PLA2G6: variants seen among roughly 807,000 people sequenced by gnomAD.
The protein encoded by PLA2G6 is phospholipase A2 group VI.
A neutral mutation model predicts 83.8 loss-of-function variants in PLA2G6; 62 were observed. That is an observed-to-expected ratio of 0.74 (90% CI 0.60 to 0.91). PLA2G6 has a LOEUF of 0.91. Among genes scored for constraint, PLA2G6 ranks in the 40% least tolerant of loss-of-function variants. The probability of loss-of-function intolerance (pLI) is 0.00; values close to 1 mark genes in which losing one functional copy is unlikely to be tolerated. For synonymous variants in PLA2G6, 417 were observed against 449.8 expected (o/e 0.93, Z 0.92); for missense variants, 944 against 1,102.0 (o/e 0.86, Z 2.03).
At chr22:38,127,525 G>A (rs910063179) in intron 9 of PLA2G6, 6 of 1,069,980 alleles carry the variant, frequency 5.6e-6, no homozygotes, top group Admixed American at 2.3e-5. Context: ...GAGAGGTGGA[G>A]CCAGGACTAG....
chr22:38,148,565 CGAG>C, intron 2 of PLA2G6: 1 of 717,074 alleles, frequency 1.4e-6, no homozygotes, highest in Non-Finnish European at 2.6e-6. Context: ...GATGGGCAGA[CGAG>C]CAGCACCAGT....
At chr22:38,164,763 C>A (rs2090152319) in intron 2 of PLA2G6, among the ~76,000 whole-genome samples, 1 of 152,180 alleles carries the variant, frequency 6.6e-6, no homozygotes, top group Admixed American at 6.5e-5. Flanking sequence ...GCGTCAAGTA[C>A]TCAGGACAGT....
At chr22:38,143,583 A>C in intron 3 of PLA2G6, 2 of 520,260 alleles carry the variant, frequency 3.8e-6, no homozygotes, top group South Asian at 3.8e-5. Context: ...GAACACGGAT[A>C]TCTCACTAGC....
At chr22:38,169,580 T>A in intron 1 of PLA2G6, 109 bp from the exon 2 acceptor site, 1 of 693,718 alleles carries the variant, frequency 1.4e-6, no homozygotes, top group South Asian at 1.5e-5. Context: ...ACCAGCGTTG[T>A]CCCCAGATCC....
In PLA2G6 at chr22:38,115,604, C is replaced by G. The variant is rs754204295; in HGVS notation, c.1957G>C (p.Gly653Arg). The change falls in exon 14 of 17, where the codon GGT becomes CGT. Residue 653 changes from glycine (G) to arginine (R), a missense_variant. Coordinates refer to ENST00000332509, the MANE Select transcript of PLA2G6 (RefSeq NM_003560.4). Reference sequence around the variant, plus strand: ...GTGGGGTTGTTGGCCAGCAGCCCACCGTCCAGGAAGCGCCCATTGGGTCGG... The same window carrying G: ...GTGGGGTTGTTGGCCAGCAGCCCACGGTCCAGGAAGCGCCCATTGGGTCGG... ...YFRPNGRFLD[G>R]GLLANNPTLD... 1 of 1,612,576 alleles carries G rather than the reference C, an allele frequency of 6.2e-7. No homozygotes were observed. Among genetic ancestry groups the G allele is most frequent in the African/African-American group, 1.3e-5 (1 of 74,894 alleles).
Position 38,128,440 on chromosome 22 carries a change from G to T in PLA2G6, c.1187-10C>A, listed in dbSNP as rs1197108949. 4 of 1,613,918 alleles carry T rather than the reference G, an allele frequency of 2.5e-6. No homozygotes were observed. Among genetic ancestry groups the T allele is most frequent in the Non-Finnish European group, 1.7e-6 (2 of 1,179,918 alleles). ...GCCTTCCTGGTGACAACTTGTCATG[G>T]TTTGGGGAAGGGGAGATGGCACAGG... On this transcript the variant is annotated splice_polypyrimidine_tract_variant and intron_variant, in intron 8 of 16. Coordinates refer to ENST00000332509, the MANE Select transcript of PLA2G6 (RefSeq NM_003560.4). This position sits in a 1 kb window ranked among gnomAD's most constrained non-coding sequence, Gnocchi z 4.4.
At chr22:38,177,756 G>A (rs553999603) in intron 1 of PLA2G6, among the ~76,000 whole-genome samples, 15 of 152,202 alleles carry the variant, frequency 9.9e-5, no homozygotes, top group South Asian at 4.2e-4. Flanking sequence ...GAGCCACTGC[G>A]CCCGGCCGAA....
chr22:38,146,727 A>AAACT (rs1297944250), intron 2 of PLA2G6: 1 of 151,882 alleles, frequency 6.6e-6, no homozygotes, highest in Non-Finnish European at 1.5e-5. Flanking sequence ...ACTATTATGC[A>AAACT]GTCATTAAAA....
At position 38,135,037 on chromosome 22, in the gene PLA2G6, T is replaced by C. The variant is rs1406003994; in HGVS notation, c.845A>G (p.Lys282Arg). The change falls in exon 6 of 17, where the codon AAA (lysine) becomes AGA (arginine). Residue 282 changes from lysine to arginine, a missense_variant. Coordinates refer to ENST00000332509, the MANE Select transcript of PLA2G6 (RefSeq NM_003560.4). ...ISMDSSQIHS[K>R]DPRYGASPLH... ...GGGGCTGGCTCCGTAACGGGGGTCT[T>C]TGCTGTGGATCTGGCTGCTGTCCAT... is the stretch of plus-strand genomic sequence containing the variant. The C allele has an allele frequency of 6.2e-7, 1 of 1,613,638 alleles. No homozygotes were observed. Among genetic ancestry groups the C allele is most frequent in the Non-Finnish European group, 8.5e-7 (1 of 1,179,896 alleles).
At chr22:38,133,155 C>T in intron 6 of PLA2G6, 142 bp from the exon 7 acceptor site, 1 of 800,366 alleles carries the variant, frequency 1.2e-6, no homozygotes, top group East Asian at 2.7e-5. Flanking sequence ...ATTCCAGGGG[C>T]AGGCCCCAGT....
At chr22:38,179,196 C>G (rs1222622888) in intron 1 of PLA2G6, among the ~76,000 whole-genome samples, 1 of 152,044 alleles carries the variant, frequency 6.6e-6, no homozygotes, top group African/African-American at 2.4e-5. Flanking sequence ...ACATGTTTAG[C>G]GAGTTCCAGG....
chr22:38,158,863 G>C (rs113054860), intron 2 of PLA2G6, among the ~76,000 whole-genome samples: 2 of 152,130 alleles, frequency 1.3e-5, no homozygotes, highest in South Asian at 2.1e-4. Context: ...GAGGTAATTC[G>C]ATCATCAGGG....
At chr22:38,131,603 C>T (rs1415185861) in intron 7 of PLA2G6, 1 of 153,212 alleles carries the variant, frequency 6.5e-6, no homozygotes, top group Non-Finnish European at 1.5e-5. Flanking sequence ...AAAATGTCCA[C>T]AGTTTCAAAA....
At chr22:38,169,877 T>C (rs2090368602) in intron 1 of PLA2G6, among the ~76,000 whole-genome samples, 1 of 152,122 alleles carries the variant, frequency 6.6e-6, no homozygotes, top group Non-Finnish European at 1.5e-5. Context: ...CTAAATAAGT[T>C]ACAGAGATAA....
intron 1 of PLA2G6, among the ~76,000 whole-genome samples, chr22:38,175,304 A>G (rs954866784): frequency 2.0e-5 from 3 of 151,980 alleles, no homozygotes; most frequent in African/African-American, 7.3e-5. Context: ...ACGGTTCCCA[A>G]CCCAGCCTGA....
chr22:38,125,171 T>TGCATGTGTATGTGTGC (rs1159691808), intron 10 of PLA2G6, among the ~76,000 whole-genome samples: 1 of 152,116 alleles, frequency 6.6e-6, no homozygotes, highest in Non-Finnish European at 1.5e-5. Context: ...TGTGCATGCA[T>TGCATGTGTATGTGTGC]GCATGTGTAT....
At chr22:38,162,903 G>A (rs1273107317) in intron 2 of PLA2G6, among the ~76,000 whole-genome samples, 1 of 152,158 alleles carries the variant, frequency 6.6e-6, no homozygotes, top group Non-Finnish European at 1.5e-5. Context: ...GGAGATTCAG[G>A]GAGAAGGCTG....
intron 2 of PLA2G6, among the ~76,000 whole-genome samples, chr22:38,161,428 A>G (rs569319494): frequency 1.3e-5 from 2 of 152,070 alleles, no homozygotes; most frequent in South Asian, 4.1e-4. Context: ...TCATGACCTA[A>G]TCACCCCCAT....
chr22:38,112,394 G>C (rs1459877800), intron 16 of PLA2G6, 89 bp from the exon 17 acceptor site: 23 of 1,541,374 alleles, frequency 1.5e-5, no homozygotes, highest in Admixed American at 1.1e-4. Context: ...TTGGGGAACA[G>C]AGCAGACCCT....
Sources: allele counts gnomAD v4.1 joint callset (sites outside exome capture counted in the v4.1 genomes callset), GRCh38; gene constraint gnomAD v4.1.1; non-coding constraint Gnocchi (gnomAD v3.1); transcripts MANE v1.5; gene names NCBI Gene and HGNC (gene_info 2026-07-23, HGNC 2026-07-21).